SMIM27: variants seen among roughly 807,000 people sequenced by gnomAD.
SMIM27 encodes TOPORS antisense RNA 1 (non-protein coding).
SMIM27 carries 3 observed loss-of-function variants against 1.8 expected under a neutral mutation model. That is an observed-to-expected ratio of 1.65 (90% CI 0.75 to 4.28). SMIM27 has a LOEUF of 4.28. Ranked by LOEUF, SMIM27 falls within the 30% of genes most tolerant of loss-of-function variation. The pLI is 0.02. For missense variants in SMIM27, 63 were observed against 37.0 expected (o/e 1.70, Z -1.83); for synonymous variants, 19 against 13.9 (o/e 1.37, Z -0.82).
Position 32,552,465 on chromosome 9 carries a change from T to C in SMIM27, c.31T>C (p.Trp11Arg). The C allele has an allele frequency of 6.2e-7, 1 of 1,600,658 alleles. No individual in the cohort carries two copies. Among genetic ancestry groups the C allele is most frequent in the Non-Finnish European group, 8.5e-7 (1 of 1,174,158 alleles). The change falls in exon 1 of 2, where the codon TGG (tryptophan) becomes CGG (arginine). Residue 11 changes from tryptophan to arginine, a missense_variant. Physicochemically the swap from Trp to Arg is moderately radical, Grantham distance 101. Transcript: ENST00000692500. MKPVSRRTLD[W>R]IYSVLLLAIV... is the part of the protein sequence containing the mutation. Reference sequence around the variant, plus strand: ...GCCAGTAAGTCGTCGCACGCTGGACTGGATTTATTCAGTGGTAAGTCCCGG... The same window carrying C: ...GCCAGTAAGTCGTCGCACGCTGGACCGGATTTATTCAGTGGTAAGTCCCGG...
At chr9:32,557,724 A>T (rs1480809523), downstream of SMIM27, among the ~76,000 whole-genome samples, 1 of 151,686 alleles carries the variant, frequency 6.6e-6, no homozygotes, top group Non-Finnish European at 1.5e-5. Flanking sequence ...TGATCCACCC[A>T]CCTTGGCCTC....
chr9:32,553,928 T>C, downstream of SMIM27: 6 of 1,594,826 alleles, frequency 3.8e-6, no homozygotes, highest in African/African-American at 1.3e-5. Flanking sequence ...TTCTCCAGTC[T>C]CCAGAATTGT....
chr9:32,558,904 A>C (rs2119007790), intron 1 of SMIM27: 1 of 1,565,232 alleles, frequency 6.4e-7, no homozygotes, highest in South Asian at 1.1e-5. Flanking sequence ...AAGTGTTAAG[A>C]CTTACAGGGA....
At chr9:32,553,535 ATTTGT>A (rs1821363921), downstream of SMIM27, 1 of 218,218 alleles carries the variant, frequency 4.6e-6, no homozygotes, top group South Asian at 6.3e-5. Flanking sequence ...CTGTTCTTAC[ATTTGT>A]TTATTGTGAT....
chr9:32,551,833 T>TA (rs975005530), upstream of SMIM27: 19 of 450,676 alleles, frequency 4.2e-5, no homozygotes, highest in African/African-American at 2.6e-4. Flanking sequence ...TATTTCTTCT[T>TA]AGAGATATAC....
At chr9:32,552,508 C>G (rs1353771555) in intron 1 of SMIM27, 29 bp downstream of exon 1, 1 of 1,567,576 alleles carries the variant, frequency 6.4e-7, no homozygotes, top group Non-Finnish European at 8.7e-7. Context: ...GGGCCCCCAC[C>G]GTGTCGACTC....
At chr9:32,553,915 T>C (rs527609499), downstream of SMIM27, 4 of 1,599,252 alleles carry the variant, frequency 2.5e-6, 1 homozygote, top group South Asian at 4.4e-5. Flanking sequence ...TTGGTGGAAT[T>C]ACTTCTCCAG....
chr9:32,562,533 C>A (rs1364406330), intron 1 of SMIM27, among the ~76,000 whole-genome samples: 1 of 152,210 alleles, frequency 6.6e-6, no homozygotes, highest in Admixed American at 6.5e-5. Flanking sequence ...ATTTGTTAGA[C>A]AGTCCTTAAC....
At chr9:32,554,071 G>T (rs1821384916), downstream of SMIM27, 2 of 560,330 alleles carry the variant, frequency 3.6e-6, no homozygotes, top group African/African-American at 3.8e-5. Context: ...CCTTTAAAAG[G>T]ACCCTAGACA....
chr9:32,564,510 C>T (rs891014697), intron 1 of SMIM27, among the ~76,000 whole-genome samples: 1 of 95,062 alleles, frequency 1.1e-5, no homozygotes, highest in African/African-American at 4.4e-5. Context: ...AAATATTACA[C>T]TTTTTTAAAA....
At chr9:32,566,156 G>A (rs1415514436) in intron 1 of SMIM27, 8 of 691,962 alleles carry the variant, frequency 1.2e-5, no homozygotes, top group Middle Eastern at 2.5e-4. Flanking sequence ...TGTCACTGGC[G>A]CTTTCACACA....
At chr9:32,551,918 G>C, upstream of SMIM27, 2 of 333,756 alleles carry the variant, frequency 6.0e-6, no homozygotes, top group South Asian at 2.2e-5. Context: ...ATAAAAGAGT[G>C]GGTGGTATTT....
rs111646430 is a variant in SMIM27 at position 32,563,491 on chromosome 9, C to CT, written c.46-2887dup. ...CTCCTGAACAGGTGGGACTATTGGG[C>CT]TTTTTTTTTTTTTGGAGGGATGGGG... On this transcript the variant is annotated intron_variant, in intron 1 of 1. Coordinates refer to the SMIM27 transcript ENST00000451672. Among the ~76,000 whole-genome samples the CT allele has an allele frequency of 1.0e-3, 94 of 91,974 alleles. 3 individuals carry two copies. Among genetic ancestry groups the CT allele is most frequent in the East Asian group, 8.0e-3 (32 of 4,006 alleles). 60.3% of individuals were successfully genotyped at this position (91,974 alleles called of 152,430 possible).
At chr9:32,553,243 C>G (rs558757351), downstream of SMIM27, 9 of 208,742 alleles carry the variant, frequency 4.3e-5, no homozygotes, top group Non-Finnish European at 7.8e-5. Context: ...CGCCCAGGCT[C>G]AGTGGCACTA....
At chr9:32,553,945 C>T, downstream of SMIM27, 2 of 1,580,156 alleles carry the variant, frequency 1.3e-6, no homozygotes, top group Non-Finnish European at 1.7e-6. Flanking sequence ...TTGTATCACC[C>T]TAGGAAAACA....
chr9:32,558,746 G>A (rs1456054860), intron 1 of SMIM27, among the ~76,000 whole-genome samples: 2 of 150,774 alleles, frequency 1.3e-5, no homozygotes, highest in Non-Finnish European at 3.0e-5. Flanking sequence ...ATTTCTTCCT[G>A]TTTTTTTTTG....
chr9:32,560,426 T>C (rs1821593294), intron 1 of SMIM27, among the ~76,000 whole-genome samples: 1 of 152,224 alleles, frequency 6.6e-6, no homozygotes, highest in African/African-American at 2.4e-5. Flanking sequence ...AATTTAGATA[T>C]GATAAAGTAA....
intron 1 of SMIM27, among the ~76,000 whole-genome samples, chr9:32,562,209 C>A (rs780323627): frequency 2.0e-5 from 3 of 152,176 alleles, no homozygotes; most frequent in Non-Finnish European, 2.9e-5. Context: ...CCAAATTATA[C>A]CTATCTTCCA....
chr9:32,554,041 GT>G, downstream of SMIM27: 1 of 720,402 alleles, frequency 1.4e-6, no homozygotes, highest in Non-Finnish European at 2.3e-6. Flanking sequence ...CATGGAAAAT[GT>G]ACTTGAGTTC....
Sources: gnomAD v4.1 joint callset for allele counts (sites outside exome capture counted in the v4.1 genomes callset) on GRCh38, gnomAD v4.1.1 for gene constraint, MANE v1.5 for transcripts, NCBI Gene and HGNC (gene_info 2026-07-23, HGNC 2026-07-21) for gene names.